PDE7B: variants seen among roughly 807,000 people sequenced by gnomAD.
PDE7B encodes 3',5'-cyclic-AMP phosphodiesterase 7B.
In PDE7B, 29 loss-of-function variants were observed where a neutral mutation model predicts 56.2. That is an observed-to-expected ratio of 0.52 (90% CI 0.38 to 0.70). The LOEUF is 0.70. Ranked by LOEUF, PDE7B falls within the 30% of genes least tolerant of loss-of-function variation. The pLI is 0.00. For missense variants in PDE7B, 490 were observed against 565.0 expected, an observed-to-expected ratio of 0.87 and a Z score of 1.35; for synonymous variants, 197 against 196.9, an observed-to-expected ratio of 1.00 and a Z score of 0.00.
At chr6:136,133,023 C>T (rs1449720817) in intron 3 of PDE7B, among the ~76,000 whole-genome samples, 2 of 152,030 alleles carry the variant, frequency 1.3e-5, no homozygotes, top group East Asian at 3.9e-4. Context: ...GAGTTATATT[C>T]CAACCACATA....
intron 6 of PDE7B, among the ~76,000 whole-genome samples, chr6:136,151,596 A>C (rs1429883863): frequency 6.6e-6 from 1 of 152,326 alleles, no homozygotes; most frequent in Admixed American, 6.5e-5. Context: ...GTTAATTAAC[A>C]CATACTTTTT....
chr6:136,033,029 T>C (rs1776266905), intron 2 of PDE7B, among the ~76,000 whole-genome samples: 1 of 152,226 alleles, frequency 6.6e-6, no homozygotes, highest in Non-Finnish European at 1.5e-5. Flanking sequence ...CAGACTCGAA[T>C]GTGAAATTCT....
At chr6:135,923,445 T>A (rs1422287796) in intron 1 of PDE7B, among the ~76,000 whole-genome samples, 1 of 152,226 alleles carries the variant, frequency 6.6e-6, no homozygotes, top group East Asian at 1.9e-4. Context: ...ACTAAGTGAT[T>A]TGTATTATAT....
At chr6:135,938,983 G>A (rs1774464219) in intron 1 of PDE7B, among the ~76,000 whole-genome samples, 1 of 152,200 alleles carries the variant, frequency 6.6e-6, no homozygotes, top group African/African-American at 2.4e-5. Flanking sequence ...GTAATAAAAT[G>A]CTGAGAGACT....
chr6:135,873,747 A>G (rs1775435700), intron 1 of PDE7B, among the ~76,000 whole-genome samples: 1 of 152,196 alleles, frequency 6.6e-6, no homozygotes, highest in Admixed American at 6.6e-5. Context: ...ATATTCACAG[A>G]CATAGACAAT....
chr6:135,947,766 A>T (rs1424152390), intron 2 of PDE7B, among the ~76,000 whole-genome samples: 1 of 152,038 alleles, frequency 6.6e-6, no homozygotes, highest in Non-Finnish European at 1.5e-5. Flanking sequence ...ATTTTCTTGG[A>T]TCATCAGCAT....
At chr6:135,881,341 CAAAAA>C (rs34454603) in intron 1 of PDE7B, among the ~76,000 whole-genome samples, 1 of 119,962 alleles carries the variant, frequency 8.3e-6, no homozygotes, top group Non-Finnish European at 1.8e-5. Context: ...ACTAAAAATA[CAAAAA>C]AAAAAAAAAA....
intron 2 of PDE7B, among the ~76,000 whole-genome samples, chr6:136,022,338 T>A (rs543814455): frequency 6.6e-6 from 1 of 152,228 alleles, no homozygotes; most frequent in Non-Finnish European, 1.5e-5. Flanking sequence ...CTTTGTTACA[T>A]GCTTAGACCA....
At position 135,918,434 on chromosome 6, in the gene PDE7B, TA is replaced by T. The variant is rs545363490; in HGVS notation, c.22-29022del. On this transcript the variant is annotated intron_variant, in intron 1 of 12. Coordinates refer to ENST00000308191, the MANE Select transcript of PDE7B (RefSeq NM_018945.4). The stretch of plus-strand genomic sequence containing the variant: ...CTACCCATATCATTATTTATGAATC[TA>T]AAAAAAATAAGTATACTAGGCCTAA... Among the ~76,000 whole-genome samples, 3 of 151,892 alleles carry T rather than the reference TA, an allele frequency of 2.0e-5. No homozygotes were observed. The East Asian group carries it at 5.8e-4, about 29-fold the overall frequency.
chr6:135,969,505 A>G (rs752754814), intron 2 of PDE7B, among the ~76,000 whole-genome samples: 1 of 152,146 alleles, frequency 6.6e-6, no homozygotes, highest in Non-Finnish European at 1.5e-5. Flanking sequence ...ATCAAGAGAA[A>G]AAAACAAGCA....
At chr6:135,935,892 G>A (rs1013452731) in intron 1 of PDE7B, among the ~76,000 whole-genome samples, 2 of 152,176 alleles carry the variant, frequency 1.3e-5, no homozygotes, top group African/African-American at 4.8e-5. Context: ...CGCTGTCCAT[G>A]TGGAAATGGT....
chr6:135,925,866 G>C (rs745446950), intron 1 of PDE7B, among the ~76,000 whole-genome samples: 1 of 151,904 alleles, frequency 6.6e-6, no homozygotes, highest in Non-Finnish European at 1.5e-5. Flanking sequence ...TTTAAAAAAT[G>C]TTTTGCCCTT....
intron 1 of PDE7B, among the ~76,000 whole-genome samples, chr6:135,855,016 C>T (rs1775000085): frequency 6.6e-6 from 1 of 152,092 alleles, no homozygotes; most frequent in Admixed American, 6.6e-5. Context: ...TCATGAAGTG[C>T]ACTAGAAAGG....
At chr6:136,024,901 A>T (rs888757845) in intron 2 of PDE7B, among the ~76,000 whole-genome samples, 1 of 152,184 alleles carries the variant, frequency 6.6e-6, no homozygotes, top group African/African-American at 2.4e-5. Context: ...ACAACTGGGT[A>T]AATTTCTGAA....
At chr6:136,109,135 GC>G (rs201407876) in intron 3 of PDE7B, among the ~76,000 whole-genome samples, 2 of 152,280 alleles carry the variant, frequency 1.3e-5, no homozygotes, top group South Asian at 2.1e-4. Context: ...GATTGCTTCA[GC>G]CCAGGAGTTG....
At chr6:135,923,343 A>G (rs1257221410) in intron 1 of PDE7B, among the ~76,000 whole-genome samples, 1 of 152,226 alleles carries the variant, frequency 6.6e-6, no homozygotes, top group African/African-American at 2.4e-5. Flanking sequence ...CTTTGTAAAA[A>G]TATCTGATAA....
intron 3 of PDE7B, among the ~76,000 whole-genome samples, chr6:136,146,125 G>A (rs1410639930): frequency 6.6e-6 from 1 of 152,176 alleles, no homozygotes; most frequent in African/African-American, 2.4e-5. Flanking sequence ...TGTTTCCTCT[G>A]CCTCTGCCAT....
chr6:136,096,328 AAAAC>A (rs1185541150), intron 2 of PDE7B: 12 of 152,334 alleles, frequency 7.9e-5, no homozygotes, highest in Admixed American at 1.3e-4. Context: ...GAAGCACATA[AAAAC>A]AAACAATACA....
intron 8 of PDE7B, among the ~76,000 whole-genome samples, chr6:136,169,018 T>C (rs1778840523): frequency 6.6e-6 from 1 of 152,164 alleles, no homozygotes; most frequent in South Asian, 2.1e-4. Context: ...AAGGGCTGTA[T>C]GCAGAGCTTA....
Sources: gnomAD v4.1 joint callset for allele counts (sites outside exome capture counted in the v4.1 genomes callset) on GRCh38, gnomAD v4.1.1 for gene constraint, MANE v1.5 for transcripts, NCBI Gene and HGNC (gene_info 2026-07-23, HGNC 2026-07-21) for gene names.